Variants in MECOM observed in about 807,000 individuals in gnomAD.
MECOM encodes MDS1 and EVI1 complex locus.
In MECOM, 13 loss-of-function variants were observed where a neutral mutation model predicts 116.3. The ratio of observed to expected loss-of-function variants is 0.11; its 90% CI spans 0.07 to 0.18. The LOEUF (loss-of-function observed/expected upper bound fraction) is 0.18. Ranked by LOEUF, MECOM falls within the 10% of genes least tolerant of loss-of-function variation. The pLI is 1.00. For synonymous variants in MECOM, 528 were observed against 535.2 expected (o/e 0.99, Z 0.19); for missense variants, 1,299 against 1,509.0 (o/e 0.86, Z 2.31).
At chr3:169,376,262 C>T (rs1731015129) in intron 2 of MECOM, among the ~76,000 whole-genome samples, 2 of 152,112 alleles carry the variant, frequency 1.3e-5, no homozygotes, top group Admixed American at 1.3e-4. Context: ...CCTTTGAAAA[C>T]TGGCACAAGA....
intron 9 of MECOM, among the ~76,000 whole-genome samples, chr3:169,110,491 T>C (rs13078774): frequency 0.45 from 68,427 of 151,916 alleles, 16,742 homozygotes; most frequent in Non-Finnish European, 0.56. Flanking sequence ...CCCAGCTATA[T>C]ATAGCATGAC....
chr3:169,452,691 T>C (rs1745807650), intron 1 of MECOM, among the ~76,000 whole-genome samples: 2 of 152,178 alleles, frequency 1.3e-5, no homozygotes, highest in Admixed American at 6.5e-5. Context: ...AGGCCTGGAA[T>C]TGACCAATAG....
At chr3:169,292,409 C>A (rs769953549) in intron 2 of MECOM, among the ~76,000 whole-genome samples, 7 of 152,102 alleles carry the variant, frequency 4.6e-5, no homozygotes, top group Non-Finnish European at 1.0e-4. Context: ...AAGATCTATT[C>A]ACTGTGCAAG....
At chr3:169,349,033 T>G (rs1438297255) in intron 2 of MECOM, among the ~76,000 whole-genome samples, 1 of 151,866 alleles carries the variant, frequency 6.6e-6, no homozygotes, top group Non-Finnish European at 1.5e-5. Context: ...TACATCAATA[T>G]AAAGTCATGT....
intron 2 of MECOM, among the ~76,000 whole-genome samples, chr3:169,238,200 A>C (rs1754348466): frequency 6.6e-6 from 1 of 151,928 alleles, no homozygotes; most frequent in South Asian, 2.1e-4. Context: ...AGAAAAAAGA[A>C]AAAAGAAATT....
chr3:169,194,366 A>G (rs1748129311), intron 2 of MECOM, among the ~76,000 whole-genome samples: 1 of 152,156 alleles, frequency 6.6e-6, no homozygotes, highest in Admixed American at 6.6e-5. Context: ...CTAATGTTAA[A>G]TGATGGGTTA....
At chr3:169,390,147 C>T (rs1179697289) in intron 1 of MECOM, among the ~76,000 whole-genome samples, 1 of 152,082 alleles carries the variant, frequency 6.6e-6, no homozygotes, top group Non-Finnish European at 1.5e-5. Context: ...GTTTCCCTAT[C>T]CATAAAATAA....
At chr3:169,625,361 C>T (rs1488737956) in intron 1 of MECOM, among the ~76,000 whole-genome samples, 1 of 152,170 alleles carries the variant, frequency 6.6e-6, no homozygotes, top group Non-Finnish European at 1.5e-5. Flanking sequence ...TCTTCTCACT[C>T]TCATTCCTGA....
At chr3:169,506,042 G>A (rs745787620) in intron 1 of MECOM, among the ~76,000 whole-genome samples, 18 of 152,104 alleles carry the variant, frequency 1.2e-4, no homozygotes, top group Non-Finnish European at 2.4e-4. Context: ...TATATAATTG[G>A]AATGAAAGGC....
intron 2 of MECOM, among the ~76,000 whole-genome samples, chr3:169,160,391 T>C (rs1450971729): frequency 3.3e-5 from 5 of 151,892 alleles, no homozygotes; most frequent in African/African-American, 1.2e-4. Flanking sequence ...ACAGAAATTA[T>C]GTTTAAACTA....
intron 1 of MECOM, among the ~76,000 whole-genome samples, chr3:169,495,059 C>A (rs1192471865): frequency 6.6e-6 from 1 of 152,196 alleles, no homozygotes; most frequent in Non-Finnish European, 1.5e-5. Context: ...GTCCTTCATA[C>A]AGTTGAGGAC....
At chr3:169,279,826 A>G (rs1401224131) in intron 2 of MECOM, among the ~76,000 whole-genome samples, 3 of 152,226 alleles carry the variant, frequency 2.0e-5, no homozygotes, top group African/African-American at 7.2e-5. Context: ...ATGTTCTAAC[A>G]GAACAGTCTT....
At chr3:169,111,426 T>G (rs1219082890) in intron 9 of MECOM, among the ~76,000 whole-genome samples, 1 of 152,158 alleles carries the variant, frequency 6.6e-6, no homozygotes, top group Non-Finnish European at 1.5e-5. Context: ...TCAAGAGAGA[T>G]GTACTTTTTG....
At position 169,532,257 on chromosome 3, in the gene MECOM, A is replaced by G. The variant is rs58077786; in HGVS notation, c.37+131079T>C. 2.6e-3 allele frequency among the ~76,000 whole-genome samples: 394 copies of G among 152,316 alleles called. 13 individuals are homozygous for G. In the East Asian group the frequency reaches 0.059, roughly 23 times the overall value. On this transcript the variant is annotated intron_variant, in intron 1 of 16. Transcript: ENST00000651503. ...GAGAATCTGCACTTCTAACAAGTTC[A>G]CTTGGGTAAGGCTGATGCTGATGCT...
chr3:169,087,440 T>C (rs1260356972), intron 16 of MECOM, among the ~76,000 whole-genome samples: 1 of 151,704 alleles, frequency 6.6e-6, no homozygotes, highest in East Asian at 1.9e-4. Context: ...CTACACAAAA[T>C]TGAAAAATTA....
At chr3:169,429,079 T>C (rs1316971579) in intron 1 of MECOM, among the ~76,000 whole-genome samples, 2 of 152,148 alleles carry the variant, frequency 1.3e-5, no homozygotes, top group African/African-American at 4.8e-5. Context: ...ACAAAAGATA[T>C]CATGAGTGTC....
intron 2 of MECOM, among the ~76,000 whole-genome samples, chr3:169,326,576 T>C (rs1243296475): frequency 1.3e-5 from 2 of 152,212 alleles, no homozygotes; most frequent in Middle Eastern, 3.2e-3. Context: ...GGTCTCCTTT[T>C]GCTTCCCACA....
chr3:169,214,569 T>C (rs1751187471), intron 2 of MECOM, among the ~76,000 whole-genome samples: 1 of 151,862 alleles, frequency 6.6e-6, no homozygotes, highest in African/African-American at 2.4e-5. Context: ...AGACTTTAAG[T>C]CATTGAGTAC....
chr3:169,377,241 C>T (rs899694125), intron 2 of MECOM, among the ~76,000 whole-genome samples: 1 of 152,104 alleles, frequency 6.6e-6, no homozygotes, highest in Non-Finnish European at 1.5e-5. Flanking sequence ...AAAACCTAGG[C>T]AATACCATCC....
Sources: gnomAD v4.1 joint callset for allele counts (sites outside exome capture counted in the v4.1 genomes callset) on GRCh38, gnomAD v4.1.1 for gene constraint, MANE v1.5 for transcripts, NCBI Gene and HGNC (gene_info 2026-07-23, HGNC 2026-07-21) for gene names.